Variants in MCF2 observed in about 807,000 individuals in gnomAD.
The protein encoded by MCF2 is MCF.2 cell line derived transforming sequence.
MCF2 carries 44 observed loss-of-function variants against 82.5 expected under a neutral mutation model. That is an observed-to-expected ratio of 0.53 (90% CI 0.42 to 0.69). The LOEUF is 0.69. Ranked by LOEUF, MCF2 falls within the 30% of genes least tolerant of loss-of-function variation. The pLI, the probability that MCF2 is intolerant of heterozygous loss-of-function variation, is 0.00. For missense variants in MCF2, 623 were observed against 663.1 expected (o/e 0.94, Z 0.66); for synonymous variants, 217 against 224.9 (o/e 0.96, Z 0.32).
At chrX:139,649,620 C>T (rs1266457349) in intron 2 of MCF2, among the ~76,000 whole-genome samples, 1 of 84,481 alleles carries the variant, frequency 1.2e-5, no homozygotes, top group East Asian at 3.0e-4. Flanking sequence ...CACTGAACAC[C>T]TACAAGTACT....
At chrX:139,706,264 G>T (rs1935587728) in intron 1 of MCF2, among the ~76,000 whole-genome samples, 2 of 112,726 alleles carry the variant, frequency 1.8e-5, no homozygotes, top group African/African-American at 6.4e-5. Context: ...ACATGCACTT[G>T]TATGTTCATC....
chrX:139,672,088 A>C (rs756041966), intron 1 of MCF2, among the ~76,000 whole-genome samples: 4 of 111,608 alleles, frequency 3.6e-5, no homozygotes, highest in Non-Finnish European at 7.5e-5. Context: ...TGTGAATGGG[A>C]GTTCACTCAT....
intron 13 of MCF2, among the ~76,000 whole-genome samples, chrX:139,605,486 C>A (rs948642865): frequency 9.0e-6 from 1 of 111,493 alleles, no homozygotes; most frequent in African/African-American, 3.3e-5. Flanking sequence ...AGAACATTTT[C>A]TCTTCTGTAA....
intron 1 of MCF2, among the ~76,000 whole-genome samples, chrX:139,693,608 T>TTTA (rs1190299445): frequency 1.8e-5 from 2 of 111,529 alleles, no homozygotes; most frequent in African/African-American, 6.5e-5. Context: ...GTGTAAGCTA[T>TTTA]TTGAATGTGT....
intron 1 of MCF2, among the ~76,000 whole-genome samples, chrX:139,634,834 G>T (rs1160732325): frequency 9.0e-6 from 1 of 111,729 alleles, no homozygotes; most frequent in Admixed American, 9.5e-5. Flanking sequence ...GGTGATTCAT[G>T]CCTGTAATCC....
At chrX:139,603,059 C>T (rs1271066318) in intron 15 of MCF2, among the ~76,000 whole-genome samples, 5 of 111,948 alleles carry the variant, frequency 4.5e-5, no homozygotes, top group Non-Finnish European at 7.5e-5. Context: ...GTTTATACCC[C>T]CATTCTATGC....
At position 139,617,424 on chromosome X, in the gene MCF2, C is replaced by T. The variant is rs779979964; in HGVS notation, c.999+89G>A. 5.2e-5 allele frequency: 34 copies of T among 648,680 alleles called. No homozygotes were observed. The East Asian group carries it at 8.6e-4, about 16-fold the overall frequency. The allele number at this position is 648,680 out of a possible 1,213,427, so 53.5% of individuals were successfully genotyped here. A position where few individuals can be genotyped will look rare whatever the true frequency, so the allele number is the denominator to read the frequency against. On this transcript the variant is annotated intron_variant, in intron 8 of 24. Coordinates refer to ENST00000370576, the Ensembl canonical transcript of MCF2. Reference sequence around the variant, plus strand: ...CTGAGAAGATGAAAAGTATTCCATGCGACAGGAGGGCAAGGTGCTTCAGGC... The same window carrying T: ...CTGAGAAGATGAAAAGTATTCCATGTGACAGGAGGGCAAGGTGCTTCAGGC...
intron 1 of MCF2, among the ~76,000 whole-genome samples, chrX:139,666,780 A>G (rs1934532996): frequency 9.0e-6 from 1 of 111,672 alleles, no homozygotes; most frequent in Non-Finnish European, 1.9e-5. Context: ...GTTTTCATCT[A>G]TTATTTCTTT....
chrX:139,592,621 A>G (rs1394726450), intron 19 of MCF2, among the ~76,000 whole-genome samples: 2 of 111,586 alleles, frequency 1.8e-5, no homozygotes, highest in Admixed American at 1.9e-4. Flanking sequence ...CATGGATTAC[A>G]AATTTATGGT....
intron 1 of MCF2, among the ~76,000 whole-genome samples, chrX:139,639,025 G>T (rs1374081225): frequency 9.0e-6 from 1 of 111,568 alleles, no homozygotes; most frequent in East Asian, 2.8e-4. Flanking sequence ...CAATCAAACA[G>T]CATAGGGTAT....
chrX:139,689,302 T>G (rs2805891), intron 1 of MCF2, among the ~76,000 whole-genome samples: 1 of 111,053 alleles, frequency 9.0e-6, no homozygotes, highest in African/African-American at 3.3e-5. Context: ...AAAAGTTCCA[T>G]CACTCATAGC....
At chrX:139,649,060 C>A (rs1875489610) in intron 2 of MCF2, among the ~76,000 whole-genome samples, 2 of 112,382 alleles carry the variant, frequency 1.8e-5, no homozygotes. Context: ...ACCTAATTGA[C>A]ATTTCTAGAA....
At chrX:139,626,446 A>G in intron 5 of MCF2, 139 bp from the exon 9 acceptor site, 1 of 594,303 alleles carries the variant, frequency 1.7e-6, no homozygotes, top group East Asian at 3.3e-5. Flanking sequence ...GAGACAACCA[A>G]TGTCCACAGA....
chrX:139,695,113 C>T (rs1346791227), intron 1 of MCF2, among the ~76,000 whole-genome samples: 1 of 108,375 alleles, frequency 9.2e-6, no homozygotes, highest in Non-Finnish European at 1.9e-5. Context: ...TCACTGCAAC[C>T]TCTGCCTCCT....
intron 1 of MCF2, among the ~76,000 whole-genome samples, chrX:139,706,618 C>G (rs1219895975): frequency 9.1e-6 from 1 of 109,744 alleles, no homozygotes; most frequent in Non-Finnish European, 1.9e-5. Context: ...ACTATGCTCA[C>G]TACCAGGATG....
intron 1 of MCF2, among the ~76,000 whole-genome samples, chrX:139,676,787 G>A (rs1934876068): frequency 8.9e-6 from 1 of 112,186 alleles, no homozygotes; most frequent in South Asian, 3.7e-4. Flanking sequence ...CAATTTCAAA[G>A]GTTTCATGTA....
At chrX:139,675,814 C>T (rs1049414979) in intron 1 of MCF2, among the ~76,000 whole-genome samples, 6 of 112,349 alleles carry the variant, frequency 5.3e-5, no homozygotes, top group Non-Finnish European at 1.1e-4. Context: ...GTCTGTTCTC[C>T]GAGCTCAAAC....
At chrX:139,695,285 C>T (rs940480728) in intron 1 of MCF2, among the ~76,000 whole-genome samples, 8 of 111,665 alleles carry the variant, frequency 7.2e-5, no homozygotes, top group African/African-American at 2.6e-4. Flanking sequence ...CCGCCTCGGC[C>T]TCCCAAAGTG....
chrX:139,632,445 G>A (rs535630790), exon 2 of MCF2: 1 of 1,199,977 alleles, frequency 8.3e-7, no homozygotes, highest in East Asian at 3.0e-5. Context: ...AAGTTCCCAG[G>A]GAAGGAAGCC....
Sources: gnomAD v4.1 joint callset for allele counts (sites outside exome capture counted in the v4.1 genomes callset) on GRCh38, gnomAD v4.1.1 for gene constraint, MANE v1.5 for transcripts, NCBI Gene and HGNC (gene_info 2026-07-23, HGNC 2026-07-21) for gene names.